The following EFR3B variants were observed in gnomAD, a reference collection of about 807,000 sequenced individuals.
EFR3B encodes EFR3 homolog B.
A neutral mutation model predicts 104.7 loss-of-function variants in EFR3B; 64 were observed. The ratio of observed to expected loss-of-function variants is 0.61; its 90% CI spans 0.50 to 0.75. The LOEUF is 0.75. Among genes scored for constraint, EFR3B ranks in the 30% least tolerant of loss-of-function variants. The pLI is 0.00. For synonymous variants in EFR3B, 385 were observed against 417.9 expected, an observed-to-expected ratio of 0.92 and a Z score of 0.96; for missense variants, 750 against 1,078.5, an observed-to-expected ratio of 0.70 and a Z score of 4.27.
chr2:25,088,310 T>A (rs1023979252), intron 1 of EFR3B, among the ~76,000 whole-genome samples: 4 of 152,056 alleles, frequency 2.6e-5, no homozygotes, highest in African/African-American at 9.7e-5. Flanking sequence ...GGAATGCAGG[T>A]TGAGGTCAAG....
At chr2:25,140,517 T>C (rs535998252) in intron 16 of EFR3B, among the ~76,000 whole-genome samples, 4 of 152,144 alleles carry the variant, frequency 2.6e-5, no homozygotes, top group South Asian at 2.1e-4. Context: ...TGCCTGACAA[T>C]TGTGGGACCT....
chr2:25,108,746 C>G (rs1669634631), intron 4 of EFR3B, among the ~76,000 whole-genome samples: 1 of 152,096 alleles, frequency 6.6e-6, no homozygotes, highest in Non-Finnish European at 1.5e-5. Flanking sequence ...TTCTTATAAT[C>G]CCAGCACTTT....
At chr2:25,096,841 C>A (rs543826880) in intron 3 of EFR3B, among the ~76,000 whole-genome samples, 1 of 152,298 alleles carries the variant, frequency 6.6e-6, no homozygotes, top group African/African-American at 2.4e-5. Flanking sequence ...GCACAGGCCT[C>A]ACCAGCAAAT....
intron 1 of EFR3B, among the ~76,000 whole-genome samples, chr2:25,051,814 AT>A (rs1301392620): frequency 2.7e-5 from 4 of 149,796 alleles, no homozygotes; most frequent in Admixed American, 2.0e-4. Context: ...TAGTTTTTGT[AT>A]TTTTAGTGAA....
chr2:25,118,806 C>T (rs1005319549), intron 4 of EFR3B, among the ~76,000 whole-genome samples: 1 of 145,644 alleles, frequency 6.9e-6, no homozygotes, highest in Non-Finnish European at 1.5e-5. Flanking sequence ...TTTGGGAGGC[C>T]AAGGCGGGCG....
chr2:25,154,203 T>C lies in EFR3B; in HGVS notation c.2349-32T>C. The C allele has an allele frequency of 6.5e-7, 1 of 1,543,980 alleles. No individual in the cohort carries two copies. Among genetic ancestry groups the C allele is most frequent in the East Asian group, 2.4e-5 (1 of 40,872 alleles). ...GTGGGATCCTAAAATTCTCTTTTCA[T>C]GCCTTTCTCCCCATGTGTTCCTGCC... On this transcript the variant is annotated intron_variant, in intron 22 of 22. Transcript: ENST00000403714. The surrounding 1 kb of genome is among the most constrained non-coding windows in gnomAD (Gnocchi z 4.1).
At chr2:25,143,998 T>A in intron 18 of EFR3B, 136 bp downstream of exon 18, 1 of 1,263,382 alleles carries the variant, frequency 7.9e-7, no homozygotes, top group Non-Finnish European at 1.1e-6. Context: ...AAAGACACAG[T>A]GGAAATTTAT....
Position 25,157,718 on chromosome 2 carries a change from A to G in EFR3B, c.*3378A>G, listed in dbSNP as rs1278312636. The G allele has an allele frequency of 6.6e-6, 1 of 152,210 alleles. No homozygotes were observed. Among genetic ancestry groups the G allele is most frequent in the Non-Finnish European group, 1.5e-5 (1 of 68,072 alleles). The allele number at this position is 152,210 out of a possible 1,614,324, so 9.4% of individuals were successfully genotyped here. On this transcript the variant is annotated 3_prime_UTR_variant, in exon 23 of 23. Coordinates refer to ENST00000403714, the MANE Select transcript of EFR3B (RefSeq NM_014971.2). ...AATGGATAAGAGGCAGATCGGCAGAAAGCATCAGTGTGGTCCCGAGGCTCC... is the reference window on the plus strand; with the variant it reads ...AATGGATAAGAGGCAGATCGGCAGAGAGCATCAGTGTGGTCCCGAGGCTCC...
intron 1 of EFR3B, among the ~76,000 whole-genome samples, chr2:25,060,195 CAAAAAA>C (rs901359525): frequency 1.3e-5 from 2 of 149,208 alleles, no homozygotes; most frequent in African/African-American, 2.5e-5. Context: ...GACTCCGTCT[CAAAAAA>C]AAAGAAAAGG....
chr2:25,077,791 C>T (rs1187796880), intron 1 of EFR3B, among the ~76,000 whole-genome samples: 3 of 151,846 alleles, frequency 2.0e-5, no homozygotes, highest in African/African-American at 7.3e-5. Flanking sequence ...TCTTTTTTCC[C>T]CCGTTTTATA....
In EFR3B at chr2:25,106,798, G is replaced by A. The variant is rs570360904; in HGVS notation, c.363+3011G>A. 3.9e-5 allele frequency among the ~76,000 whole-genome samples: 6 copies of A among 152,262 alleles called. No homozygotes were observed. In the East Asian group the frequency reaches 9.7e-4, roughly 24 times the overall value. On this transcript the variant is annotated intron_variant, in intron 4 of 22. Transcript: ENST00000403714. Reference sequence around the variant, plus strand: ...AGGGTTTCACTGTGTTGGCCAGGCTGGTCTCGAACTCCTGACCTCAAGTGA... The same window carrying A: ...AGGGTTTCACTGTGTTGGCCAGGCTAGTCTCGAACTCCTGACCTCAAGTGA...
chr2:25,047,306 G>A (rs1445727849), intron 1 of EFR3B, among the ~76,000 whole-genome samples: 3 of 151,974 alleles, frequency 2.0e-5, no homozygotes, highest in Non-Finnish European at 2.9e-5. Context: ...GAACCCCACA[G>A]CCTGGGTCTG....
chr2:25,119,168 T>C (rs1267684688), intron 4 of EFR3B, among the ~76,000 whole-genome samples: 1 of 152,214 alleles, frequency 6.6e-6, no homozygotes, highest in Non-Finnish European at 1.5e-5. Flanking sequence ...TAGTATATAT[T>C]TTTGAAACTT....
chr2:25,095,404 C>T (rs1669247432), intron 3 of EFR3B, among the ~76,000 whole-genome samples: 1 of 151,936 alleles, frequency 6.6e-6, no homozygotes, highest in Admixed American at 6.6e-5. Flanking sequence ...TACAGTAAAA[C>T]GAACATACTG....
At chr2:25,044,417 T>C (rs1488074933) in intron 1 of EFR3B, among the ~76,000 whole-genome samples, 1 of 151,904 alleles carries the variant, frequency 6.6e-6, no homozygotes, top group African/African-American at 2.4e-5. Flanking sequence ...GTCAATAGAG[T>C]GATGAAAAAA....
chr2:25,094,298 A>AAAAAAAAAAG (rs1553390785), intron 3 of EFR3B, among the ~76,000 whole-genome samples: 3 of 150,376 alleles, frequency 2.0e-5, no homozygotes, highest in African/African-American at 7.3e-5. Flanking sequence ...AAAAAAAAAA[A>AAAAAAAAAAG]AAAGAAAAAA....
intron 2 of EFR3B, among the ~76,000 whole-genome samples, chr2:25,092,310 C>T (rs1013479132): frequency 7.3e-5 from 11 of 151,434 alleles, no homozygotes; most frequent in African/African-American, 2.4e-4. Flanking sequence ...CCTTGTGATC[C>T]GCCCACCTCA....
chr2:25,114,746 A>C lies in EFR3B; in HGVS notation c.364-6927A>C, dbSNP rs570307257. 6.6e-6 allele frequency among the ~76,000 whole-genome samples: 1 copy of C among 152,270 alleles called. No homozygotes were observed. The highest frequency in any genetic ancestry group is 1.9e-4 in the East Asian group (1 of 5,178). On this transcript the variant is annotated intron_variant, in intron 4 of 22. Coordinates refer to ENST00000403714, the MANE Select transcript of EFR3B (RefSeq NM_014971.2). This position sits in a 1 kb window ranked among gnomAD's most constrained non-coding sequence, Gnocchi z 4.0. The stretch of plus-strand genomic sequence containing the variant: ...TCCCTGACCAAGAACATGCTTCCCT[A>C]GCTTTTTCCCAAGGTTCTGCGAGAG...
intron 5 of EFR3B, among the ~76,000 whole-genome samples, chr2:25,126,132 T>A (rs570058679): frequency 3.9e-5 from 6 of 152,346 alleles, no homozygotes; most frequent in African/African-American, 1.4e-4. Flanking sequence ...CTCCTGCGGC[T>A]TGCGCATGGG....
Sources: allele counts gnomAD v4.1 joint callset (sites outside exome capture counted in the v4.1 genomes callset), GRCh38; gene constraint gnomAD v4.1.1; non-coding constraint Gnocchi (gnomAD v3.1); transcripts MANE v1.5; gene names NCBI Gene and HGNC (gene_info 2026-07-23, HGNC 2026-07-21).